The following HS6ST3 variants were observed in gnomAD, a reference collection of about 807,000 sequenced individuals.
HS6ST3 encodes the protein heparan sulfate 6-O-sulfotransferase 3, also known as heparan-sulfate 6-O-sulfotransferase 3.
A neutral mutation model predicts 36.7 loss-of-function variants in HS6ST3; 12 were observed. That is an observed-to-expected ratio of 0.33 (90% CI 0.21 to 0.53). The LOEUF is 0.53. Ranked by LOEUF, HS6ST3 falls within the 20% of genes least tolerant of loss-of-function variation. The probability of loss-of-function intolerance (pLI) is 0.95; values close to 1 mark genes in which losing one functional copy is unlikely to be tolerated. For missense variants in HS6ST3, 584 were observed against 640.9 expected, an observed-to-expected ratio of 0.91 and a Z score of 0.96; for synonymous variants, 240 against 257.5, an observed-to-expected ratio of 0.93 and a Z score of 0.65.
chr13:96,697,419 A>G (rs1289551828), intron 1 of HS6ST3, among the ~76,000 whole-genome samples: 2 of 152,076 alleles, frequency 1.3e-5, no homozygotes, highest in Non-Finnish European at 2.9e-5. Context: ...GAGAAAATAT[A>G]GAAGGAGAAA....
At chr13:96,585,761 G>C (rs1278845949) in intron 1 of HS6ST3, among the ~76,000 whole-genome samples, 1 of 152,086 alleles carries the variant, frequency 6.6e-6, no homozygotes, top group Non-Finnish European at 1.5e-5. Flanking sequence ...ATTCATCCAT[G>C]CTATAGCAAA....
chr13:96,525,250 T>C (rs2056109205), intron 1 of HS6ST3, among the ~76,000 whole-genome samples: 1 of 152,194 alleles, frequency 6.6e-6, no homozygotes, highest in South Asian at 2.1e-4. Flanking sequence ...TATTTAAAAA[T>C]AGATGGGGGT....
intron 1 of HS6ST3, among the ~76,000 whole-genome samples, chr13:96,135,521 A>C (rs1456007754): frequency 2.6e-5 from 4 of 152,190 alleles, no homozygotes; most frequent in African/African-American, 7.2e-5. Context: ...CGGTATCCCT[A>C]GGGCTGTCAT....
At chr13:96,612,792 C>T (rs1033510921) in intron 1 of HS6ST3, among the ~76,000 whole-genome samples, 3 of 152,160 alleles carry the variant, frequency 2.0e-5, no homozygotes, top group African/African-American at 4.8e-5. Context: ...TCAGAGTGCA[C>T]GGTACAGTCT....
At position 96,689,879 on chromosome 13, in the gene HS6ST3, C is replaced by T. The variant is rs527423452; in HGVS notation, c.708-142611C>T. On this transcript the variant is annotated intron_variant, in intron 1 of 1. Coordinates refer to ENST00000376705, the MANE Select transcript of HS6ST3 (RefSeq NM_153456.4). ...GTATCCAGTTTTGATTTTGCATTAA[C>T]ATTGATAACTTAGCTATATGATAGA... Among the ~76,000 whole-genome samples the T allele has an allele frequency of 1.3e-4, 20 of 151,980 alleles. No homozygotes were observed. In the East Asian group the frequency reaches 2.5e-3, roughly 19 times the overall value.
chr13:96,615,436 CATG>C (rs2056470700), intron 1 of HS6ST3, among the ~76,000 whole-genome samples: 1 of 152,166 alleles, frequency 6.6e-6, no homozygotes, highest in African/African-American at 2.4e-5. Context: ...GATCAGATGA[CATG>C]ATGAGAGCAG....
intron 1 of HS6ST3, among the ~76,000 whole-genome samples, chr13:96,480,634 T>C (rs560267127): frequency 2.0e-5 from 3 of 152,300 alleles, no homozygotes; most frequent in African/African-American, 7.2e-5. Context: ...ACCAATGATA[T>C]CAGAGTGTCT....
intron 1 of HS6ST3, among the ~76,000 whole-genome samples, chr13:96,410,049 C>T (rs1056210908): frequency 2.0e-5 from 3 of 152,124 alleles, no homozygotes; most frequent in South Asian, 2.1e-4. Flanking sequence ...ATAATATCTT[C>T]CTCACATTCA....
At chr13:96,417,616 G>GTGTGTA (rs2055540417) in intron 1 of HS6ST3, among the ~76,000 whole-genome samples, 1 of 149,488 alleles carries the variant, frequency 6.7e-6, no homozygotes, top group Non-Finnish European at 1.5e-5. Context: ...GTGTGTGTGT[G>GTGTGTA]TGTGTGTACA....
chr13:96,735,384 A>G (rs1876257893), intron 1 of HS6ST3, among the ~76,000 whole-genome samples: 1 of 152,224 alleles, frequency 6.6e-6, no homozygotes, highest in Non-Finnish European at 1.5e-5. Flanking sequence ...GAAAGTTATC[A>G]GAATGGAAAC....
chr13:96,322,890 A>G (rs919123257), intron 1 of HS6ST3, among the ~76,000 whole-genome samples: 3 of 152,316 alleles, frequency 2.0e-5, no homozygotes, highest in African/African-American at 7.2e-5. Flanking sequence ...ATTCCACACA[A>G]TATCAGTTCC....
chr13:96,238,413 T>G (rs908491480), intron 1 of HS6ST3, among the ~76,000 whole-genome samples: 13 of 152,216 alleles, frequency 8.5e-5, no homozygotes, highest in Admixed American at 7.8e-4. Flanking sequence ...TTTCGCCTGT[T>G]AGATTAACTA....
intron 1 of HS6ST3, among the ~76,000 whole-genome samples, chr13:96,304,278 G>A (rs1475710941): frequency 6.6e-6 from 1 of 152,146 alleles, no homozygotes; most frequent in African/African-American, 2.4e-5. Context: ...ATTATTTTGA[G>A]GGTGGAGTTG....
intron 1 of HS6ST3, among the ~76,000 whole-genome samples, chr13:96,271,798 G>A (rs2054721711): frequency 6.6e-6 from 1 of 151,956 alleles, no homozygotes; most frequent in South Asian, 2.1e-4. Flanking sequence ...ACTGCTGCCA[G>A]AGAAGTCCAA....
chr13:96,092,601 G>A (rs1225115871), intron 1 of HS6ST3, among the ~76,000 whole-genome samples: 1 of 152,122 alleles, frequency 6.6e-6, no homozygotes, highest in Non-Finnish European at 1.5e-5. Flanking sequence ...TATCTTAAAG[G>A]TTTCAAACAA....
intron 1 of HS6ST3, among the ~76,000 whole-genome samples, chr13:96,799,998 G>GTATATATATATATGTA (rs1566456893): frequency 0.013 from 992 of 75,160 alleles, 31 homozygotes; most frequent in Middle Eastern, 0.071. Context: ...ATATATATAT[G>GTATATATATATATGTA]TATATATATA....
At chr13:96,456,148 T>A (rs901235705) in intron 1 of HS6ST3, among the ~76,000 whole-genome samples, 18 of 152,176 alleles carry the variant, frequency 1.2e-4, no homozygotes, top group African/African-American at 3.1e-4. Context: ...GTCTTTTTAT[T>A]TAGGTGTAGT....
intron 1 of HS6ST3, among the ~76,000 whole-genome samples, chr13:96,802,591 C>T (rs1878103887): frequency 1.3e-5 from 2 of 152,136 alleles, no homozygotes; most frequent in South Asian, 4.1e-4. Flanking sequence ...GTAAAGCGTC[C>T]AATTCTTCAA....
At chr13:96,362,651 C>G (rs1375641944) in intron 1 of HS6ST3, among the ~76,000 whole-genome samples, 3 of 152,178 alleles carry the variant, frequency 2.0e-5, no homozygotes, top group Admixed American at 2.0e-4. Flanking sequence ...ACTCATGGAT[C>G]TCTCTTCAAG....
Sources: gnomAD v4.1 joint callset for allele counts (sites outside exome capture counted in the v4.1 genomes callset) on GRCh38, gnomAD v4.1.1 for gene constraint, MANE v1.5 for transcripts, NCBI Gene and HGNC (gene_info 2026-07-23, HGNC 2026-07-21) for gene names.